The following TNRC6B variants were observed in gnomAD, a reference collection of about 807,000 sequenced individuals.
TNRC6B encodes trinucleotide repeat-containing gene 6B protein.
TNRC6B carries 52 observed loss-of-function variants against 203.6 expected under a neutral mutation model. That is an observed-to-expected ratio of 0.26 (90% confidence interval 0.20 to 0.32). The LOEUF (loss-of-function observed/expected upper bound fraction) is 0.32. TNRC6B is among the 10% of genes least tolerant of loss of function. TNRC6B has a pLI of 1.00. For synonymous variants in TNRC6B, 838 were observed against 845.7 expected (o/e 0.99, Z 0.16); for missense variants, 1,923 against 2,286.2 (o/e 0.84, Z 3.24).
At chr22:40,224,132 G>T (rs572134821) in intron 1 of TNRC6B, among the ~76,000 whole-genome samples, 2 of 151,976 alleles carry the variant, frequency 1.3e-5, no homozygotes, top group Non-Finnish European at 2.9e-5. Context: ...TCAGCCTCTC[G>T]TAGCTGGGAC....
chr22:40,090,568 T>G (rs1326398038), intron 1 of TNRC6B, among the ~76,000 whole-genome samples: 1 of 152,192 alleles, frequency 6.6e-6, no homozygotes, highest in Non-Finnish European at 1.5e-5. Flanking sequence ...TAAGAATTCT[T>G]TGTATATTTT....
chr22:40,293,039 A>T (rs1353457671), intron 12 of TNRC6B, among the ~76,000 whole-genome samples: 1 of 151,978 alleles, frequency 6.6e-6, no homozygotes, highest in East Asian at 1.9e-4. Context: ...ATATATTCCC[A>T]TGTGGATTTG....
At chr22:40,237,026 G>A (rs1461356011) in intron 1 of TNRC6B, among the ~76,000 whole-genome samples, 2 of 152,112 alleles carry the variant, frequency 1.3e-5, no homozygotes, top group Non-Finnish European at 2.9e-5. Context: ...TTAGCTGGGC[G>A]TGGTGGTGCA....
chr22:40,172,302 C>G (rs547724859), intron 4 of TNRC6B, among the ~76,000 whole-genome samples: 7 of 152,354 alleles, frequency 4.6e-5, no homozygotes, highest in African/African-American at 1.7e-4. Flanking sequence ...ATTCCCTTCT[C>G]AGTGAGTTCC....
chr22:40,171,837 T>C (rs2069002958), intron 4 of TNRC6B, among the ~76,000 whole-genome samples: 1 of 152,094 alleles, frequency 6.6e-6, no homozygotes. Flanking sequence ...CTCTTGTTTA[T>C]TGACCACTCA....
intron 1 of TNRC6B, among the ~76,000 whole-genome samples, chr22:40,067,919 T>A (rs5995804): frequency 6.6e-6 from 1 of 152,154 alleles, no homozygotes; most frequent in East Asian, 1.9e-4. Flanking sequence ...CACAGTCAAG[T>A]TGATACCTAA....
chr22:40,184,796 T>C (rs1175933255), intron 1 of TNRC6B, among the ~76,000 whole-genome samples: 1 of 152,134 alleles, frequency 6.6e-6, no homozygotes, highest in African/African-American at 2.4e-5. Context: ...CCTGTGTCTC[T>C]GCCTGGCTTC....
intron 4 of TNRC6B, among the ~76,000 whole-genome samples, chr22:40,161,990 T>C (rs918056669): frequency 2.0e-5 from 3 of 152,190 alleles, no homozygotes; most frequent in African/African-American, 7.2e-5. Flanking sequence ...TTTTGAGAGG[T>C]CATTATAGAT....
Position 40,315,335 on chromosome 22 carries a change from C to G in TNRC6B, c.4731C>G (p.Asn1577Lys), listed in dbSNP as rs747213203. 1 of 1,613,992 alleles carries G rather than the reference C, an allele frequency of 6.2e-7. No individual in the cohort carries two copies. The highest frequency in any genetic ancestry group is 1.7e-5 in the Admixed American group (1 of 60,022). The change falls in exon 20 of 23, where the codon AAC (asparagine) becomes AAG (lysine). Residue 1577 changes from asparagine (N) to lysine (K), a missense_variant. Physicochemically the swap from Asn to Lys is moderately conservative, Grantham distance 94. This residue lies in a region of TNRC6B where 159 missense variants were observed against 181.0 expected (regional missense o/e 0.88). Coordinates refer to ENST00000454349, the MANE Select transcript of TNRC6B (RefSeq NM_001162501.2). The stretch of plus-strand genomic sequence containing the variant: ...GGTCCCCAGATCCCATAGGACACAA[C>G]CCCACTCATCTCTCCAACAAGATGT... ...STWSPDPIGH[N>K]PTHLSNKMWK...
intron 3 of TNRC6B, among the ~76,000 whole-genome samples, chr22:40,141,931 C>T (rs775631359): frequency 1.1e-4 from 17 of 151,996 alleles, no homozygotes; most frequent in African/African-American, 1.2e-4. Flanking sequence ...CCCACCACCA[C>T]GCCTGGCTAA....
intron 1 of TNRC6B, among the ~76,000 whole-genome samples, chr22:40,239,176 G>A (rs971998860): frequency 6.6e-6 from 1 of 151,906 alleles, no homozygotes; most frequent in Admixed American, 6.6e-5. Context: ...GCACTGCAGC[G>A]TGGGTGACAG....
At chr22:40,232,854 A>C (rs1007666387) in intron 1 of TNRC6B, among the ~76,000 whole-genome samples, 1 of 152,142 alleles carries the variant, frequency 6.6e-6, no homozygotes, top group East Asian at 1.9e-4. Flanking sequence ...CGCTACTACA[A>C]AAATTAGCCG....
chr22:40,236,731 A>G (rs1452717983), intron 1 of TNRC6B, among the ~76,000 whole-genome samples: 4 of 152,158 alleles, frequency 2.6e-5, no homozygotes, highest in African/African-American at 9.7e-5. Flanking sequence ...TCATCCTTTC[A>G]TTCCCATCAG....
In TNRC6B at chr22:40,132,954, A is replaced by AAT. The variant is rs1555884666; in HGVS notation, c.45+7093_45+7094insTA. Among the ~76,000 whole-genome samples, 310 of 96,224 alleles carry AAT rather than the reference A, an allele frequency of 3.2e-3. 7 individuals carry two copies. The highest frequency in any genetic ancestry group is 0.013 in the African/African-American group (299 of 22,850). The allele number at this position is 96,224 out of a possible 152,430, so 63.1% of individuals were successfully genotyped here. A position where few individuals can be genotyped will look rare whatever the true frequency, so the allele number is the denominator to read the frequency against. ...GCAAGACTCTGTCTCAAAAAAAAAAAAAAAAAAAAAAAAAAATATATATAT... is the reference window on the plus strand; with the variant it reads ...GCAAGACTCTGTCTCAAAAAAAAAAAATAAAAAAAAAAAAAAAATATATATAT... On this transcript the variant is annotated intron_variant, in intron 3 of 23. Transcript: ENST00000301923.
At chr22:40,143,687 A>ATGG (rs2068664815) in intron 3 of TNRC6B, among the ~76,000 whole-genome samples, 3 of 152,070 alleles carry the variant, frequency 2.0e-5, no homozygotes, top group Non-Finnish European at 4.4e-5. Context: ...TAGTAGAGAC[A>ATGG]GGGTTTCACC....
At chr22:40,182,045 C>T (rs995088772) in intron 1 of TNRC6B, among the ~76,000 whole-genome samples, 1 of 151,570 alleles carries the variant, frequency 6.6e-6, no homozygotes, top group Non-Finnish European at 1.5e-5. Context: ...GAGTTCGAGA[C>T]CAGCCTGGAC....
intron 3 of TNRC6B, among the ~76,000 whole-genome samples, chr22:40,153,479 AG>A (rs2068778898): frequency 6.6e-6 from 1 of 152,080 alleles, no homozygotes; most frequent in African/African-American, 2.4e-5. Context: ...ACTGATTAAG[AG>A]GAGATTTACA....
At chr22:40,261,684 G>T in intron 3 of TNRC6B, 148 bp from the exon 4 acceptor site, 4 of 577,362 alleles carry the variant, frequency 6.9e-6, no homozygotes, top group Admixed American at 7.8e-5. Flanking sequence ...GCCAAGGTGG[G>T]AGAGTCCCTT....
chr22:40,228,605 C>T (rs1179826378), intron 1 of TNRC6B, among the ~76,000 whole-genome samples: 6 of 150,132 alleles, frequency 4.0e-5, no homozygotes, highest in Middle Eastern at 3.4e-3. Flanking sequence ...CTGCAACCTC[C>T]GCCTCCCAGG....
Sources: allele counts gnomAD v4.1 joint callset (sites outside exome capture counted in the v4.1 genomes callset), GRCh38; gene constraint gnomAD v4.1.1; regional missense constraint gnomAD v4.1.1; transcripts MANE v1.5; gene names NCBI Gene and HGNC (gene_info 2026-07-23, HGNC 2026-07-21).